GARIN3: variants seen among roughly 807,000 people sequenced by gnomAD.
The protein encoded by GARIN3 is Golgi-associated RAB2 interactor protein 3.
chr5:157,164,875 T>C, the GARIN3 span, among the ~76,000 whole-genome samples: 950 of 151,948 alleles, frequency 6.3e-3, 8 homozygotes, highest in African/African-American at 0.022. Context: ...TAAAAATTAG[T>C]TGGACGTGGT....
the GARIN3 span, chr5:157,162,426 G>A: frequency 7.5e-6 from 12 of 1,604,900 alleles, no homozygotes; most frequent in South Asian, 3.4e-5. Context: ...ATCCCTGGGC[G>A]GTTGTAGCCC....
At chr5:157,163,049 C>T in the GARIN3 span, 1 of 1,614,274 alleles carries the variant, frequency 6.2e-7, no homozygotes, top group South Asian at 1.1e-5. Context: ...CTCATGTAGC[C>T]TTCGCTTTGC....
chr5:157,162,302 T>C, the GARIN3 span: 1 of 1,265,784 alleles, frequency 7.9e-7, no homozygotes, highest in Non-Finnish European at 1.1e-6. Flanking sequence ...CACCAGGCTA[T>C]GGGCAGAAAA....
the GARIN3 span, among the ~76,000 whole-genome samples, chr5:157,164,397 C>T: frequency 6.6e-6 from 1 of 152,026 alleles, no homozygotes; most frequent in Non-Finnish European, 1.5e-5. Flanking sequence ...GGTGAGCCGC[C>T]TTCCTTGGCC....
the GARIN3 span, chr5:157,163,557 T>G: frequency 6.2e-7 from 1 of 1,614,076 alleles, no homozygotes; most frequent in Non-Finnish European, 8.5e-7. Flanking sequence ...CATGTTGGAT[T>G]CCCTCTCCCC....
the GARIN3 span, chr5:157,163,661 A>T: frequency 6.2e-7 from 1 of 1,608,294 alleles, no homozygotes; most frequent in Non-Finnish European, 8.5e-7. Flanking sequence ...TCTGCAGCCT[A>T]TACCAAGGGG....
the GARIN3 span, chr5:157,166,211 TC>T: frequency 1.3e-6 from 2 of 1,571,982 alleles, no homozygotes; most frequent in Non-Finnish European, 1.7e-6. Flanking sequence ...ACAAATAGAG[TC>T]CCCGAGAGAG....
At chr5:157,162,149 G>A in the GARIN3 span, 4 of 408,416 alleles carry the variant, frequency 9.8e-6, no homozygotes, top group South Asian at 3.6e-5. Flanking sequence ...TGACAGTCTC[G>A]GGGAAGCAAA....
chr5:157,166,229 A>C, the GARIN3 span: 8 of 1,555,020 alleles, frequency 5.1e-6, no homozygotes, highest in East Asian at 1.6e-4. Flanking sequence ...AGAGAGACGG[A>C]GAGAAGGTAA....
chr5:157,163,003 C>T, the GARIN3 span: 5 of 1,614,254 alleles, frequency 3.1e-6, no homozygotes, highest in South Asian at 5.5e-5. Flanking sequence ...GACTTCAGCA[C>T]TGGGCTGGGA....
chr5:157,164,672 G>A, the GARIN3 span, among the ~76,000 whole-genome samples: 1 of 152,126 alleles, frequency 6.6e-6, no homozygotes, highest in African/African-American at 2.4e-5. Flanking sequence ...TTACATTTTG[G>A]TGACTACTAC....
the GARIN3 span, among the ~76,000 whole-genome samples, chr5:157,164,143 T>C: frequency 6.6e-6 from 1 of 150,862 alleles, no homozygotes; most frequent in African/African-American, 2.4e-5. Context: ...CTAAGTCTTT[T>C]GTCTTTTTTT....
At chr5:157,162,684 T>C in the GARIN3 span, 1 of 1,614,226 alleles carries the variant, frequency 6.2e-7, no homozygotes, top group South Asian at 1.1e-5. Context: ...CTTTCTTTTG[T>C]AAAGCTCCTG....
chr5:157,165,389 C>T, the GARIN3 span, among the ~76,000 whole-genome samples: 12 of 152,150 alleles, frequency 7.9e-5, no homozygotes, highest in African/African-American at 2.9e-4. Flanking sequence ...CACAAGCCCT[C>T]CCACCTCCCA....
At chr5:157,163,344 A>G in the GARIN3 span, 229,035 of 1,613,892 alleles carry the variant, frequency 0.14, 18,742 homozygotes, top group African/African-American at 0.34. Flanking sequence ...TGGTCACTTG[A>G]CCTGGGCCTG....
chr5:157,162,392 G>A, the GARIN3 span: 1 of 1,549,210 alleles, frequency 6.5e-7, no homozygotes. Flanking sequence ...AAGCTGGGAT[G>A]GGCTCCTCTA....
At chr5:157,165,692 G>T in the GARIN3 span, 1 of 1,614,200 alleles carries the variant, frequency 6.2e-7, no homozygotes, top group Non-Finnish European at 8.5e-7. Context: ...CTTCCCGTGT[G>T]TCAGAAGAGG....
the GARIN3 span, chr5:157,162,185 C>G: frequency 1.9e-6 from 1 of 525,966 alleles, no homozygotes. Context: ...GCTGAACACT[C>G]ACGTTGGCTC....
At chr5:157,163,987 G>T in the GARIN3 span, among the ~76,000 whole-genome samples, 1 of 151,856 alleles carries the variant, frequency 6.6e-6, no homozygotes, top group Non-Finnish European at 1.5e-5. Context: ...AACTCAGAAG[G>T]CAGAGGCTGC....
Sources: gnomAD v4.1 joint callset for allele counts (sites outside exome capture counted in the v4.1 genomes callset) on GRCh38, gnomAD v4.1.1 for gene constraint, MANE v1.5 for transcripts, NCBI Gene and HGNC (gene_info 2026-07-23, HGNC 2026-07-21) for gene names.